PDGFD: variants seen among roughly 807,000 people sequenced by gnomAD.
The protein encoded by PDGFD is platelet derived growth factor D, also known as platelet-derived growth factor D.
A neutral mutation model predicts 44.7 loss-of-function variants in PDGFD; 30 were observed. The observed-to-expected ratio is 0.67, with a 90% CI of 0.50 to 0.91. The LOEUF (loss-of-function observed/expected upper bound fraction) is 0.91. Ranked by LOEUF, PDGFD falls within the 40% of genes least tolerant of loss-of-function variation. The pLI, the probability that PDGFD is intolerant of heterozygous loss-of-function variation, is 0.00. For missense variants in PDGFD, 445 were observed against 457.8 expected (o/e 0.97, Z 0.25); for synonymous variants, 173 against 168.4 (o/e 1.03, Z -0.21).
At chr11:103,952,148 A>G (rs1257831969) in intron 3 of PDGFD, among the ~76,000 whole-genome samples, 1 of 152,066 alleles carries the variant, frequency 6.6e-6, no homozygotes, top group Non-Finnish European at 1.5e-5. Flanking sequence ...TTGATTTTCA[A>G]CCTCCAGACA....
intron 1 of PDGFD, among the ~76,000 whole-genome samples, chr11:104,123,133 T>C (rs1227063324): frequency 6.6e-6 from 1 of 152,004 alleles, no homozygotes; most frequent in Admixed American, 6.6e-5. Context: ...AATAATCCAC[T>C]TCTGTTTCAA....
chr11:104,029,261 C>G (rs1033886773), intron 1 of PDGFD, among the ~76,000 whole-genome samples: 1 of 152,160 alleles, frequency 6.6e-6, no homozygotes, highest in African/African-American at 2.4e-5. Context: ...TCTATACAGG[C>G]TGCTAAATTT....
At chr11:104,163,674 C>G in intron 1 of PDGFD, 130 bp downstream of exon 1, 1 of 1,148,038 alleles carries the variant, frequency 8.7e-7, no homozygotes, top group Non-Finnish European at 1.2e-6. Context: ...GGAGACCTCC[C>G]TCCCCAAACA....
At chr11:103,982,601 G>A (rs1285993495) in intron 3 of PDGFD, among the ~76,000 whole-genome samples, 4 of 151,676 alleles carry the variant, frequency 2.6e-5, no homozygotes, top group East Asian at 1.9e-4. Context: ...AAGGGCATCC[G>A]AATAGGAAGA....
intron 1 of PDGFD, among the ~76,000 whole-genome samples, chr11:104,132,235 C>T (rs1861934719): frequency 6.6e-6 from 1 of 152,016 alleles, no homozygotes; most frequent in Non-Finnish European, 1.5e-5. Flanking sequence ...TAAAACTATA[C>T]TGAATAGATA....
At chr11:104,118,906 T>C (rs1292877883) in intron 1 of PDGFD, among the ~76,000 whole-genome samples, 1 of 88,992 alleles carries the variant, frequency 1.1e-5, no homozygotes, top group Non-Finnish European at 2.0e-5. Context: ...TAATATTAAG[T>C]ATATTATATA....
intron 3 of PDGFD, among the ~76,000 whole-genome samples, chr11:103,953,373 T>C (rs981287320): frequency 1.3e-5 from 2 of 152,120 alleles, no homozygotes; most frequent in Non-Finnish European, 2.9e-5. Flanking sequence ...TTCCATATCA[T>C]ACAATATTGC....
chr11:104,123,075 T>C (rs1373722230), intron 1 of PDGFD, among the ~76,000 whole-genome samples: 1 of 152,050 alleles, frequency 6.6e-6, no homozygotes, highest in African/African-American at 2.4e-5. Context: ...GAAAGAATGT[T>C]TTCCTAGGAA....
At chr11:104,144,687 A>T (rs1203143391) in intron 1 of PDGFD, among the ~76,000 whole-genome samples, 3 of 152,148 alleles carry the variant, frequency 2.0e-5, no homozygotes, top group South Asian at 2.1e-4. Flanking sequence ...TTACCTAAAA[A>T]TAGACAAAAG....
At chr11:104,137,949 T>C (rs536638628) in intron 1 of PDGFD, among the ~76,000 whole-genome samples, 5 of 152,154 alleles carry the variant, frequency 3.3e-5, no homozygotes, top group Non-Finnish European at 5.9e-5. Context: ...ATGTCAGAGT[T>C]TTCCATTGCT....
At chr11:104,160,168 A>G (rs1204781665) in intron 1 of PDGFD, among the ~76,000 whole-genome samples, 1 of 152,196 alleles carries the variant, frequency 6.6e-6, no homozygotes, top group Non-Finnish European at 1.5e-5. Flanking sequence ...AAGCTTCACT[A>G]CTTTAAAATC....
chr11:103,930,993 T>G (rs1858391795), intron 5 of PDGFD, among the ~76,000 whole-genome samples: 2 of 152,196 alleles, frequency 1.3e-5, no homozygotes, highest in South Asian at 4.1e-4. Flanking sequence ...GAACCCTTTC[T>G]TGCCTCATCT....
In PDGFD at chr11:103,983,626, A is replaced by G. The variant is rs1482856340; in HGVS notation, c.510+12439T>C. Among the ~76,000 whole-genome samples, 4 of 151,850 alleles carry G rather than the reference A, an allele frequency of 2.6e-5. No homozygotes were observed. In the East Asian group the frequency reaches 5.8e-4, roughly 22 times the overall value. ...GCAAAAGAAACTATCAGCAGAGTAA[A>G]CAGACAACCTACAGAATGGGAGAAA... On this transcript the variant is annotated intron_variant, in intron 3 of 6. Transcript: ENST00000393158.
At chr11:103,975,604 CTAGGTTT>C (rs753896696) in intron 3 of PDGFD, among the ~76,000 whole-genome samples, 123 of 152,124 alleles carry the variant, frequency 8.1e-4, no homozygotes, top group Non-Finnish European at 1.3e-3. Context: ...AGGTTTTCTT[CTAGGTTT>C]TAGGTTTTAG....
intron 1 of PDGFD, among the ~76,000 whole-genome samples, chr11:104,107,172 T>G (rs1305910412): frequency 6.6e-6 from 1 of 152,142 alleles, no homozygotes; most frequent in South Asian, 2.1e-4. Context: ...GAGTTTGAGT[T>G]CATCAGAAGG....
intron 1 of PDGFD, among the ~76,000 whole-genome samples, chr11:104,021,746 G>T (rs913211858): frequency 2.0e-5 from 3 of 152,170 alleles, no homozygotes; most frequent in Admixed American, 2.0e-4. Flanking sequence ...TGAGTTTTGG[G>T]ATGGTGGTTA....
chr11:104,148,336 A>G (rs187268645), intron 1 of PDGFD, among the ~76,000 whole-genome samples: 2 of 152,266 alleles, frequency 1.3e-5, no homozygotes, highest in South Asian at 2.1e-4. Flanking sequence ...TAGACCAATG[A>G]TAATATGTGT....
intron 1 of PDGFD, among the ~76,000 whole-genome samples, chr11:104,059,230 G>A (rs1310106987): frequency 6.6e-6 from 1 of 152,180 alleles, no homozygotes; most frequent in Non-Finnish European, 1.5e-5. Flanking sequence ...AATACTATTT[G>A]TGTTTTTGAA....
At chr11:103,968,176 G>C (rs1859049376) in intron 3 of PDGFD, among the ~76,000 whole-genome samples, 2 of 151,986 alleles carry the variant, frequency 1.3e-5, no homozygotes, top group South Asian at 4.2e-4. Context: ...GTCTTCTCTT[G>C]AGTGCCTTCT....
Sources: gnomAD v4.1 joint callset for allele counts (sites outside exome capture counted in the v4.1 genomes callset) on GRCh38, gnomAD v4.1.1 for gene constraint, MANE v1.5 for transcripts, NCBI Gene and HGNC (gene_info 2026-07-23, HGNC 2026-07-21) for gene names.